The following SPOCK3 variants were observed in gnomAD, a reference collection of about 807,000 sequenced individuals.
The protein encoded by SPOCK3 is SPARC (osteonectin), cwcv and kazal like domains proteoglycan 3.
Under a neutral mutation model 56.6 loss-of-function variants are expected in SPOCK3, and 30 were observed. That is an observed-to-expected ratio of 0.53 (90% CI 0.40 to 0.72). The LOEUF is 0.72. SPOCK3 is among the 30% of genes least tolerant of loss of function. The pLI, the probability that SPOCK3 is intolerant of heterozygous loss-of-function variation, is 0.00. For synonymous variants in SPOCK3, 196 were observed against 183.3 expected (o/e 1.07, Z -0.56); for missense variants, 527 against 530.0 (o/e 0.99, Z 0.06).
At chr4:167,059,391 A>G (rs1413016351) in intron 3 of SPOCK3, among the ~76,000 whole-genome samples, 1 of 152,160 alleles carries the variant, frequency 6.6e-6, no homozygotes, top group Non-Finnish European at 1.5e-5. Context: ...GCCAAAAAAC[A>G]CATGAAAAAA....
intron 3 of SPOCK3, among the ~76,000 whole-genome samples, chr4:167,011,919 T>C (rs1293609107): frequency 2.0e-5 from 3 of 152,072 alleles, no homozygotes; most frequent in Non-Finnish European, 2.9e-5. Flanking sequence ...AATCCTCTTA[T>C]TGTTTTATTT....
At chr4:167,233,125 T>C (rs562440226) in intron 2 of SPOCK3, among the ~76,000 whole-genome samples, 29 of 152,266 alleles carry the variant, frequency 1.9e-4, no homozygotes, top group African/African-American at 7.0e-4. Flanking sequence ...GACAACCAAA[T>C]TCAAGGCTTC....
chr4:166,885,211 A>C (rs974538048), intron 6 of SPOCK3, among the ~76,000 whole-genome samples: 1 of 149,696 alleles, frequency 6.7e-6, no homozygotes, highest in Non-Finnish European at 1.5e-5. Flanking sequence ...CCCCAATTCA[A>C]TTTTTCCTGT....
intron 3 of SPOCK3, among the ~76,000 whole-genome samples, chr4:167,004,630 A>T (rs1035826082): frequency 6.6e-6 from 1 of 152,226 alleles, no homozygotes; most frequent in East Asian, 1.9e-4. Flanking sequence ...GAGAGAAAGA[A>T]TAAGAACCTG....
intron 5 of SPOCK3, among the ~76,000 whole-genome samples, chr4:166,904,665 C>T (rs554671217): frequency 4.1e-4 from 62 of 151,936 alleles, no homozygotes; most frequent in African/African-American, 1.4e-3. Flanking sequence ...ATATTTTGAG[C>T]CCCTGGAAGT....
chr4:166,794,315 C>T (rs1337811954), intron 6 of SPOCK3, among the ~76,000 whole-genome samples: 1 of 151,330 alleles, frequency 6.6e-6, no homozygotes, highest in East Asian at 2.0e-4. Context: ...TTCTGCTCCC[C>T]TTAAAGGGAT....
intron 2 of SPOCK3, among the ~76,000 whole-genome samples, chr4:167,070,214 C>A (rs1437094570): frequency 2.0e-5 from 3 of 151,886 alleles, no homozygotes; most frequent in Non-Finnish European, 4.4e-5. Context: ...GGCCAGAAGT[C>A]CCACACTGAA....
intron 7 of SPOCK3, among the ~76,000 whole-genome samples, chr4:166,786,140 C>A (rs905650489): frequency 6.6e-6 from 1 of 151,974 alleles, no homozygotes; most frequent in East Asian, 1.9e-4. Context: ...AGGGAAGGCA[C>A]CTAGTGAGGA....
At chr4:167,140,524 C>T (rs1481575871) in intron 2 of SPOCK3, among the ~76,000 whole-genome samples, 1 of 151,864 alleles carries the variant, frequency 6.6e-6, no homozygotes, top group African/African-American at 2.4e-5. Context: ...AAGTTTCTTC[C>T]AAATAATTGT....
intron 4 of SPOCK3, among the ~76,000 whole-genome samples, chr4:166,989,328 C>T (rs1747523748): frequency 6.6e-6 from 1 of 151,990 alleles, no homozygotes; most frequent in East Asian, 1.9e-4. Flanking sequence ...ATACTTTACT[C>T]CTCACTTAAA....
intron 4 of SPOCK3, among the ~76,000 whole-genome samples, chr4:166,919,062 T>G (rs927158551): frequency 2.0e-5 from 3 of 152,198 alleles, no homozygotes; most frequent in South Asian, 2.1e-4. Flanking sequence ...TTGTACAGCT[T>G]GGAGAACCAT....
chr4:166,891,867 A>G lies in SPOCK3; in HGVS notation c.475-2623T>C, dbSNP rs551513705. Among the ~76,000 whole-genome samples the G allele has an allele frequency of 3.3e-5, 5 of 152,164 alleles. No individual in the cohort carries two copies. The South Asian group carries it at 6.2e-4, about 19-fold the overall frequency. On this transcript the variant is annotated intron_variant, in intron 5 of 10. Transcript: ENST00000357545. The stretch of plus-strand genomic sequence containing the variant: ...GGAGCAGACAAAGCCAAAAGTCAAT[A>G]TTAATTATAGCTAATATTACATTTT...
At chr4:166,823,757 A>G (rs1005949862) in intron 6 of SPOCK3, among the ~76,000 whole-genome samples, 1 of 152,096 alleles carries the variant, frequency 6.6e-6, no homozygotes, top group Non-Finnish European at 1.5e-5. Context: ...AAATGAGCCA[A>G]AGATAACTTC....
At chr4:167,222,527 A>C (rs1434991700) in intron 2 of SPOCK3, among the ~76,000 whole-genome samples, 1 of 145,998 alleles carries the variant, frequency 6.8e-6, no homozygotes, top group Non-Finnish European at 1.5e-5. Context: ...TATAACATGT[A>C]TGTTATAGAT....
At chr4:166,752,083 C>G (rs1736441186) in intron 8 of SPOCK3, among the ~76,000 whole-genome samples, 1 of 152,050 alleles carries the variant, frequency 6.6e-6, no homozygotes. Flanking sequence ...GTTGCCCAGG[C>G]TGGAGTGTAG....
intron 6 of SPOCK3, among the ~76,000 whole-genome samples, chr4:166,830,751 A>G (rs1188710201): frequency 1.3e-5 from 2 of 152,226 alleles, no homozygotes; most frequent in East Asian, 1.9e-4. Flanking sequence ...CCCCGCTCGA[A>G]AAAAAGATCC....
intron 6 of SPOCK3, among the ~76,000 whole-genome samples, chr4:166,869,982 C>T (rs1475451148): frequency 6.6e-6 from 1 of 152,072 alleles, no homozygotes; most frequent in Non-Finnish European, 1.5e-5. Flanking sequence ...TCACATTTTA[C>T]AGTTTGTCCT....
At chr4:166,938,795 A>C (rs891593606) in intron 4 of SPOCK3, among the ~76,000 whole-genome samples, 3 of 152,166 alleles carry the variant, frequency 2.0e-5, no homozygotes, top group African/African-American at 7.2e-5. Flanking sequence ...TATAGTAATC[A>C]TATAGTGTGA....
At chr4:167,201,023 AT>A (rs1310595059) in intron 2 of SPOCK3, among the ~76,000 whole-genome samples, 1 of 152,054 alleles carries the variant, frequency 6.6e-6, no homozygotes, top group Non-Finnish European at 1.5e-5. Context: ...CTTTAAAACA[AT>A]TGAGCTGAGT....
Sources: gnomAD v4.1 joint callset for allele counts (sites outside exome capture counted in the v4.1 genomes callset) on GRCh38, gnomAD v4.1.1 for gene constraint, MANE v1.5 for transcripts, NCBI Gene and HGNC (gene_info 2026-07-23, HGNC 2026-07-21) for gene names.